The following ERC2 variants were observed in gnomAD, a reference collection of about 807,000 sequenced individuals.
The protein encoded by ERC2 is ELKS/RAB6-interacting/CAST family member 2, also known as ERC protein 2.
A neutral mutation model predicts 114.8 loss-of-function variants in ERC2; 42 were observed. The ratio of observed to expected loss-of-function variants is 0.37; its 90% CI spans 0.29 to 0.47. ERC2 has a LOEUF of 0.47. Among genes scored for constraint, ERC2 ranks in the 20% least tolerant of loss-of-function variants. ERC2 has a pLI of 0.99. For synonymous variants in ERC2, 454 were observed against 425.5 expected (o/e 1.07, Z -0.82); for missense variants, 939 against 1,150.7 (o/e 0.82, Z 2.66).
At chr3:55,753,308 A>G (rs1575489933) in intron 14 of ERC2, among the ~76,000 whole-genome samples, 1 of 152,214 alleles carries the variant, frequency 6.6e-6, no homozygotes, top group Non-Finnish European at 1.5e-5. Context: ...CCAATTTTAT[A>G]TATGTGCCTT....
chr3:56,299,923 A>G (rs2055748760), intron 2 of ERC2, among the ~76,000 whole-genome samples: 1 of 152,232 alleles, frequency 6.6e-6, no homozygotes, highest in African/African-American at 2.4e-5. Flanking sequence ...GGAAATTCCA[A>G]AGAAAAACTG....
chr3:55,835,937 C>G (rs998081857), intron 14 of ERC2, among the ~76,000 whole-genome samples: 5 of 151,532 alleles, frequency 3.3e-5, no homozygotes, highest in African/African-American at 4.9e-5. Flanking sequence ...ACAAAAATCA[C>G]AAGCATTCTT....
chr3:55,951,031 C>A (rs2067466539), intron 12 of ERC2, among the ~76,000 whole-genome samples: 1 of 152,090 alleles, frequency 6.6e-6, no homozygotes. Context: ...ACACCAGTGG[C>A]AGAGCTCCCA....
intron 6 of ERC2, 68 bp from the exon 7 acceptor site, chr3:56,081,052 C>T (rs1414280802): frequency 6.5e-7 from 1 of 1,544,276 alleles, no homozygotes; most frequent in East Asian, 2.3e-5. Context: ...TCAATTGTGC[C>T]CTTTGAGGAG....
chr3:56,078,097 A>G lies in ERC2; in HGVS notation c.1641+2720T>C, dbSNP rs144204090. Among the ~76,000 whole-genome samples the G allele has an allele frequency of 4.2e-4, 64 of 152,298 alleles. 1 individual carries two copies. In the East Asian group the frequency reaches 0.011, roughly 26 times the overall value. On this transcript the variant is annotated intron_variant, in intron 7 of 17. Coordinates refer to ENST00000288221, the MANE Select transcript of ERC2 (RefSeq NM_015576.3). ...CTATAACCATCTCTCTGTTATTCCCACGTATCCTAGACAGCCCCTTTGATT... is the reference window on the plus strand; with the variant it reads ...CTATAACCATCTCTCTGTTATTCCCGCGTATCCTAGACAGCCCCTTTGATT...
chr3:56,234,686 C>T (rs1396986958), intron 3 of ERC2, among the ~76,000 whole-genome samples: 1 of 152,100 alleles, frequency 6.6e-6, no homozygotes. Flanking sequence ...GATTGAGGGG[C>T]CAGCATCTGG....
chr3:56,366,033 C>T (rs946941417), intron 2 of ERC2, among the ~76,000 whole-genome samples: 4 of 152,190 alleles, frequency 2.6e-5, no homozygotes, highest in Admixed American at 1.3e-4. Context: ...CAGGCCACAA[C>T]CTCTGCAGCA....
At chr3:55,942,450 G>A (rs1393240911) in intron 13 of ERC2, among the ~76,000 whole-genome samples, 5 of 148,666 alleles carry the variant, frequency 3.4e-5, no homozygotes, top group Non-Finnish European at 7.5e-5. Flanking sequence ...CACTACGCCC[G>A]GCTAATTTTT....
chr3:55,851,086 TCAGAGACTG>T (rs1020713561), intron 14 of ERC2, among the ~76,000 whole-genome samples: 4 of 152,104 alleles, frequency 2.6e-5, no homozygotes, highest in African/African-American at 4.8e-5. Flanking sequence ...TGTTTGAAAT[TCAGAGACTG>T]CAGAGACTGC....
At chr3:56,237,254 C>T (rs566756448) in intron 3 of ERC2, among the ~76,000 whole-genome samples, 21 of 150,918 alleles carry the variant, frequency 1.4e-4, no homozygotes, top group African/African-American at 4.4e-4. Context: ...CAGATGACGG[C>T]GTCACCCTTC....
intron 14 of ERC2, among the ~76,000 whole-genome samples, chr3:55,780,556 T>A (rs1242838298): frequency 6.6e-6 from 1 of 152,216 alleles, no homozygotes; most frequent in East Asian, 1.9e-4. Context: ...ATTAAAACCA[T>A]GCAATAAATC....
intron 16 of ERC2, among the ~76,000 whole-genome samples, chr3:55,692,732 T>C (rs936708580): frequency 2.6e-5 from 4 of 152,200 alleles, no homozygotes; most frequent in Admixed American, 2.6e-4. Context: ...AAGCAGAGTA[T>C]AGGTTCAGTA....
At chr3:55,653,659 G>C (rs1195336103) in intron 17 of ERC2, among the ~76,000 whole-genome samples, 1 of 151,604 alleles carries the variant, frequency 6.6e-6, no homozygotes, top group African/African-American at 2.4e-5. Context: ...TAGATGTGGG[G>C]ATGTTGCAGA....
At chr3:56,175,236 A>G (rs1345983766) in intron 3 of ERC2, among the ~76,000 whole-genome samples, 1 of 152,172 alleles carries the variant, frequency 6.6e-6, no homozygotes, top group Non-Finnish European at 1.5e-5. Context: ...TTCTTCTCCA[A>G]CTCATCACTG....
At chr3:56,311,436 C>G (rs1474041958) in intron 2 of ERC2, among the ~76,000 whole-genome samples, 1 of 150,906 alleles carries the variant, frequency 6.6e-6, no homozygotes, top group Non-Finnish European at 1.5e-5. Flanking sequence ...GTAGCTGGGA[C>G]TACAGGTGCC....
At chr3:55,768,633 C>T (rs1055776700) in intron 14 of ERC2, among the ~76,000 whole-genome samples, 2 of 152,044 alleles carry the variant, frequency 1.3e-5, no homozygotes, top group Non-Finnish European at 2.9e-5. Context: ...GGACATGGGG[C>T]CAGCTAGGGG....
At chr3:56,132,778 A>G (rs1003829045) in intron 6 of ERC2, among the ~76,000 whole-genome samples, 3 of 152,184 alleles carry the variant, frequency 2.0e-5, no homozygotes, top group Admixed American at 2.0e-4. Context: ...GTTTTTACAT[A>G]GTGTGCATGC....
At chr3:55,573,822 C>T (rs757556726) in intron 17 of ERC2, among the ~76,000 whole-genome samples, 7 of 152,136 alleles carry the variant, frequency 4.6e-5, no homozygotes, top group East Asian at 1.9e-4. Context: ...GATGAAGAGC[C>T]GTGAATTTCC....
intron 14 of ERC2, among the ~76,000 whole-genome samples, chr3:55,853,710 G>A (rs2061668765): frequency 6.6e-6 from 1 of 152,094 alleles, no homozygotes; most frequent in Admixed American, 6.5e-5. Flanking sequence ...ATACTTAGAG[G>A]AGTCAAATTC....
Sources: gnomAD v4.1 joint callset for allele counts (sites outside exome capture counted in the v4.1 genomes callset) on GRCh38, gnomAD v4.1.1 for gene constraint, MANE v1.5 for transcripts, NCBI Gene and HGNC (gene_info 2026-07-23, HGNC 2026-07-21) for gene names.